GRIK2: variants seen among roughly 807,000 people sequenced by gnomAD.
GRIK2 encodes glutamate ionotropic receptor kainate type subunit 2.
In GRIK2, 32 loss-of-function variants were observed where a neutral mutation model predicts 100.3. That is an observed-to-expected ratio of 0.32 (90% CI 0.24 to 0.43). The LOEUF (loss-of-function observed/expected upper bound fraction) is 0.43, where lower values mean the gene tolerates loss of function less well. Ranked by LOEUF, GRIK2 falls within the 20% of genes least tolerant of loss-of-function variation. The pLI is 1.00. For synonymous variants in GRIK2, 417 were observed against 389.4 expected (o/e 1.07, Z -0.83); for missense variants, 843 against 1,114.9 (o/e 0.76, Z 3.47).
chr6:101,645,905 A>G (rs886321774), intron 4 of GRIK2, among the ~76,000 whole-genome samples: 1 of 151,942 alleles, frequency 6.6e-6, no homozygotes, highest in African/African-American at 2.4e-5. Context: ...ATAAAAATTT[A>G]TCTTTATTTT....
chr6:101,553,680 T>G (rs1023471031), intron 2 of GRIK2, among the ~76,000 whole-genome samples: 1 of 152,190 alleles, frequency 6.6e-6, no homozygotes, highest in African/African-American at 2.4e-5. Flanking sequence ...CTTCTTTGTA[T>G]GAGCAAGTTA....
chr6:101,454,301 A>G (rs571738675), intron 2 of GRIK2, among the ~76,000 whole-genome samples: 3 of 152,254 alleles, frequency 2.0e-5, no homozygotes, highest in South Asian at 2.1e-4. Flanking sequence ...TTTGTTTATA[A>G]TCATAGATTC....
intron 2 of GRIK2, among the ~76,000 whole-genome samples, chr6:101,537,249 A>C (rs113131270): frequency 0.013 from 1,961 of 151,958 alleles, 40 homozygotes; most frequent in African/African-American, 0.045. Context: ...TGAAAAGGAA[A>C]TTGTATTTTT....
At position 102,069,797 on chromosome 6, in the gene GRIK2, C is replaced by T. The variant is rs1043524086; in HGVS notation, c.*1286C>T. ...AATGGTAGTGCGTGTGCACCACCAA[C>T]GTTTGGTGAAAACTATTTTTATCAA... On this transcript the variant is annotated 3_prime_UTR_variant, in exon 17 of 17. Coordinates refer to ENST00000369134, the MANE Select transcript of GRIK2 (RefSeq NM_021956.5). The T allele has an allele frequency of 2.0e-5, 3 of 151,850 alleles. No homozygotes were observed. The highest frequency in any genetic ancestry group is 7.3e-5 in the African/African-American group (3 of 41,336). The allele number at this position is 151,850 out of a possible 1,614,324, so 9.4% of individuals were successfully genotyped here.
In GRIK2 at chr6:101,701,588, A is replaced by G. The variant is rs140355814; in HGVS notation, c.951+15235A>G. Among the ~76,000 whole-genome samples the G allele has an allele frequency of 1.6e-3, 250 of 152,224 alleles. 2 individuals carry two copies. The highest frequency in any genetic ancestry group is 5.9e-3 in the African/African-American group (245 of 41,562). On this transcript the variant is annotated intron_variant, in intron 7 of 16. Transcript: ENST00000369134. ...ATTAAAGACTGTGAGATGTCTTTAAAATATGAACTTCTCTAGCCCCTAAGG... is the reference window on the plus strand; with the variant it reads ...ATTAAAGACTGTGAGATGTCTTTAAGATATGAACTTCTCTAGCCCCTAAGG...
At chr6:101,737,562 G>GC (rs1775725764) in intron 7 of GRIK2, among the ~76,000 whole-genome samples, 1 of 152,058 alleles carries the variant, frequency 6.6e-6, no homozygotes, top group East Asian at 1.9e-4. Context: ...AGAGAGACTC[G>GC]CCCCAATGAT....
At chr6:101,993,706 G>A (rs1483407222) in intron 14 of GRIK2, 1 of 149,582 alleles carries the variant, frequency 6.7e-6, no homozygotes, top group Non-Finnish European at 1.5e-5. Flanking sequence ...ATCTATCTAT[G>A]CATAGATACT....
intron 14 of GRIK2, among the ~76,000 whole-genome samples, chr6:101,966,095 C>T (rs1338593844): frequency 2.0e-5 from 3 of 151,970 alleles, no homozygotes; most frequent in African/African-American, 7.2e-5. Flanking sequence ...AAATTTTCTC[C>T]TCATCAGAAA....
At chr6:101,922,896 C>T (rs990150178) in intron 12 of GRIK2, among the ~76,000 whole-genome samples, 1 of 152,132 alleles carries the variant, frequency 6.6e-6, no homozygotes, top group Non-Finnish European at 1.5e-5. Context: ...CTTTAAAAAA[C>T]GTGTATAAAC....
intron 1 of GRIK2, among the ~76,000 whole-genome samples, chr6:101,395,496 A>G (rs546385572): frequency 6.6e-6 from 1 of 152,290 alleles, no homozygotes; most frequent in East Asian, 1.9e-4. Flanking sequence ...GTCTTTTTAA[A>G]TGTTGTGCTA....
intron 15 of GRIK2, among the ~76,000 whole-genome samples, chr6:102,046,609 A>T (rs1770901673): frequency 6.6e-6 from 1 of 152,168 alleles, no homozygotes; most frequent in South Asian, 2.1e-4. Flanking sequence ...AAGCCTTCAG[A>T]ACTATGAGTC....
intron 2 of GRIK2, among the ~76,000 whole-genome samples, chr6:101,422,055 A>G (rs921542324): frequency 5.3e-5 from 8 of 152,136 alleles, no homozygotes; most frequent in African/African-American, 9.7e-5. Context: ...TAAATTCCCA[A>G]CTCTTATTCT....
chr6:101,418,000 C>G (rs1012321874), intron 2 of GRIK2, among the ~76,000 whole-genome samples: 10 of 152,230 alleles, frequency 6.6e-5, no homozygotes, highest in Non-Finnish European at 1.2e-4. Flanking sequence ...CAGACTGTCT[C>G]TCAAATGCAG....
chr6:101,643,658 T>C (rs1781389376), intron 4 of GRIK2, among the ~76,000 whole-genome samples: 1 of 151,344 alleles, frequency 6.6e-6, no homozygotes, highest in African/African-American at 2.4e-5. Context: ...AATCAGGAAC[T>C]ATGAGATCTC....
intron 7 of GRIK2, among the ~76,000 whole-genome samples, chr6:101,689,194 CTGGCATTG>C (rs1562312276): frequency 6.6e-6 from 1 of 151,968 alleles, no homozygotes; most frequent in African/African-American, 2.4e-5. Flanking sequence ...GAATTATAGC[CTGGCATTG>C]TGGCATTGGC....
intron 4 of GRIK2, among the ~76,000 whole-genome samples, chr6:101,658,238 T>G (rs1266323898): frequency 6.6e-6 from 1 of 152,132 alleles, no homozygotes; most frequent in African/African-American, 2.4e-5. Context: ...TGGTGTGTGA[T>G]GTTCTCCCTC....
At chr6:101,764,990 C>T (rs1268577214) in intron 7 of GRIK2, among the ~76,000 whole-genome samples, 2 of 152,120 alleles carry the variant, frequency 1.3e-5, no homozygotes, top group Non-Finnish European at 2.9e-5. Flanking sequence ...TCCACACCTT[C>T]ACTGGTGCTT....
intron 7 of GRIK2, among the ~76,000 whole-genome samples, chr6:101,776,043 C>T (rs965687640): frequency 2.0e-5 from 3 of 151,832 alleles, no homozygotes; most frequent in Non-Finnish European, 4.4e-5. Flanking sequence ...TAAGAGGAGG[C>T]AAAAGGAGGT....
rs962875931 is a variant in GRIK2, at chr6:101,918,941, C to G, written c.1749-5660C>G. On this transcript the variant is annotated intron_variant, in intron 12 of 16. Transcript: ENST00000369134. ...AGATCAACTTTTGGGCAAAAGCAAA[C>G]ACTATGGAATTTCAGAAAGGAGTAG... is the stretch of plus-strand genomic sequence containing the variant. Among the ~76,000 whole-genome samples the G allele has an allele frequency of 2.6e-5, 4 of 151,792 alleles. 1 individual carries two copies. Among genetic ancestry groups the G allele is most frequent in the Middle Eastern group, 6.8e-3 (2 of 294 alleles).
Sources: gnomAD v4.1 joint callset for allele counts (sites outside exome capture counted in the v4.1 genomes callset) on GRCh38, gnomAD v4.1.1 for gene constraint, MANE v1.5 for transcripts, NCBI Gene and HGNC (gene_info 2026-07-23, HGNC 2026-07-21) for gene names.